SPATA17: variants seen among roughly 807,000 people sequenced by gnomAD.
SPATA17 encodes the protein spermatogenesis associated 17, also known as spermatogenesis-associated protein 17.
SPATA17 carries 53 observed loss-of-function variants against 62.2 expected under a neutral mutation model. The observed-to-expected ratio is 0.85, with a 90% CI of 0.68 to 1.07. The LOEUF is 1.07. SPATA17 is among the 50% of genes least tolerant of loss of function. SPATA17 has a pLI of 0.00. For synonymous variants in SPATA17, 146 were observed against 146.8 expected (o/e 0.99, Z 0.04); for missense variants, 466 against 425.5 (o/e 1.10, Z -0.84).
chr1:217,822,033 T>C (rs867941448), intron 9 of SPATA17, among the ~76,000 whole-genome samples: 1 of 152,110 alleles, frequency 6.6e-6, no homozygotes, highest in South Asian at 2.1e-4. Flanking sequence ...CTAAACTTTC[T>C]ACAATGCATA....
intron 10 of SPATA17, chr1:217,866,441 T>A (rs528692097): frequency 2.6e-5 from 4 of 152,264 alleles, no homozygotes; most frequent in African/African-American, 9.6e-5. Flanking sequence ...GCTTTTTTGT[T>A]TATGGTTTTT....
intron 5 of SPATA17, among the ~76,000 whole-genome samples, chr1:217,736,735 C>A (rs947244616): frequency 6.6e-6 from 1 of 152,178 alleles, no homozygotes; most frequent in East Asian, 1.9e-4. Flanking sequence ...TGCCAAATAG[C>A]TTCTAAGCAT....
intron 5 of SPATA17, among the ~76,000 whole-genome samples, chr1:217,720,933 G>A (rs1672112578): frequency 6.6e-6 from 1 of 152,132 alleles, no homozygotes; most frequent in Non-Finnish European, 1.5e-5. Context: ...ACTATTGATA[G>A]TCACTGAATC....
intron 8 of SPATA17, among the ~76,000 whole-genome samples, chr1:217,801,479 G>C (rs17046868): frequency 0.013 from 1,999 of 152,108 alleles, 34 homozygotes; most frequent in African/African-American, 0.04. Context: ...AAATACTTGA[G>C]ACTCACAAAA....
intron 5 of SPATA17, among the ~76,000 whole-genome samples, chr1:217,684,949 G>C (rs1259810389): frequency 6.6e-6 from 1 of 152,130 alleles, no homozygotes; most frequent in Admixed American, 6.6e-5. Flanking sequence ...AGCAGTTAAG[G>C]GGGGAAGGCT....
intron 1 of SPATA17, among the ~76,000 whole-genome samples, chr1:217,647,535 G>A (rs1296874676): frequency 1.3e-5 from 2 of 152,130 alleles, no homozygotes; most frequent in Admixed American, 6.5e-5. Flanking sequence ...AGAGACCATC[G>A]TTAAATAATT....
At chr1:217,862,254 T>G (rs1675911942) in intron 9 of SPATA17, among the ~76,000 whole-genome samples, 1 of 152,184 alleles carries the variant, frequency 6.6e-6, no homozygotes, top group Non-Finnish European at 1.5e-5. Flanking sequence ...TTATGCTCAG[T>G]CAAATGCTGT....
intron 9 of SPATA17, among the ~76,000 whole-genome samples, chr1:217,811,019 G>A (rs978342679): frequency 2.0e-5 from 3 of 151,868 alleles, no homozygotes; most frequent in Non-Finnish European, 2.9e-5. Context: ...AAAAATTGTA[G>A]GTATTCTTTA....
At chr1:217,838,467 T>C (rs1363375540) in intron 9 of SPATA17, among the ~76,000 whole-genome samples, 1 of 152,042 alleles carries the variant, frequency 6.6e-6, no homozygotes, top group Non-Finnish European at 1.5e-5. Flanking sequence ...ATTAAAGAAA[T>C]GATACATAAA....
At chr1:217,673,191 G>A (rs548796519) in intron 4 of SPATA17, among the ~76,000 whole-genome samples, 21 of 152,184 alleles carry the variant, frequency 1.4e-4, no homozygotes, top group Non-Finnish European at 2.1e-4. Context: ...TGTGCAGTTC[G>A]TATGTAAATG....
intron 3 of SPATA17, among the ~76,000 whole-genome samples, chr1:217,657,467 G>T (rs1670469563): frequency 6.6e-6 from 1 of 152,174 alleles, no homozygotes; most frequent in South Asian, 2.1e-4. Flanking sequence ...AAGCAAGAGT[G>T]CATGAAATGA....
intron 1 of SPATA17, among the ~76,000 whole-genome samples, chr1:217,647,511 T>G (rs1447305441): frequency 6.6e-6 from 1 of 152,208 alleles, no homozygotes; most frequent in Non-Finnish European, 1.5e-5. Context: ...CTTCGATGTT[T>G]CAAGTTTAGT....
intron 8 of SPATA17, among the ~76,000 whole-genome samples, chr1:217,798,678 G>C (rs1038564429): frequency 3.9e-5 from 6 of 152,154 alleles, no homozygotes; most frequent in Non-Finnish European, 8.8e-5. Context: ...CCTCCAAAGA[G>C]AGAGCCAGTG....
At chr1:217,745,915 CT>C (rs1443846879) in intron 6 of SPATA17, among the ~76,000 whole-genome samples, 4 of 151,982 alleles carry the variant, frequency 2.6e-5, no homozygotes, top group Non-Finnish European at 5.9e-5. Context: ...ACCTTCCTTC[CT>C]GAACCTAAGG....
rs993786864 is a variant in SPATA17, at chr1:217,768,452, G to A, written c.520-5882G>A. 2.0e-5 allele frequency among the ~76,000 whole-genome samples: 3 copies of A among 150,030 alleles called. No individual in the cohort carries two copies. In the South Asian group the frequency reaches 6.3e-4, roughly 32 times the overall value. ...GTCTTTATTTTTTATAATTATATTGGTCTTGAATACCTTTCTTTTCTTTAT... is the reference window on the plus strand; with the variant it reads ...GTCTTTATTTTTTATAATTATATTGATCTTGAATACCTTTCTTTTCTTTAT... On this transcript the variant is annotated intron_variant, in intron 6 of 10. Transcript: ENST00000366933.
chr1:217,771,376 G>A (rs551940685), intron 6 of SPATA17, among the ~76,000 whole-genome samples: 1 of 151,956 alleles, frequency 6.6e-6, no homozygotes, highest in African/African-American at 2.4e-5. Flanking sequence ...CATAGTCCCT[G>A]AGGATTAACC....
At chr1:217,769,707 T>C (rs946934323) in intron 6 of SPATA17, among the ~76,000 whole-genome samples, 1 of 152,340 alleles carries the variant, frequency 6.6e-6, no homozygotes, top group South Asian at 2.1e-4. Context: ...TTTTTTAAAA[T>C]ATTTCTTTAT....
At chr1:217,835,765 A>G (rs1675248440) in intron 9 of SPATA17, among the ~76,000 whole-genome samples, 1 of 152,140 alleles carries the variant, frequency 6.6e-6, no homozygotes, top group Non-Finnish European at 1.5e-5. Context: ...ATGATTGCCA[A>G]CCACTATTCC....
intron 6 of SPATA17, among the ~76,000 whole-genome samples, chr1:217,746,204 A>C (rs1672747492): frequency 6.6e-6 from 1 of 151,990 alleles, no homozygotes; most frequent in African/African-American, 2.4e-5. Flanking sequence ...TTTAACGTTC[A>C]ATGCTTGCAG....
Sources: gnomAD v4.1 joint callset for allele counts (sites outside exome capture counted in the v4.1 genomes callset) on GRCh38, gnomAD v4.1.1 for gene constraint, MANE v1.5 for transcripts, NCBI Gene and HGNC (gene_info 2026-07-23, HGNC 2026-07-21) for gene names.